The following MSI2 variants were observed in gnomAD, a reference collection of about 807,000 sequenced individuals.
MSI2 encodes the protein musashi RNA binding protein 2, also known as RNA-binding protein Musashi homolog 2.
A neutral mutation model predicts 45.6 loss-of-function variants in MSI2; 17 were observed. The ratio of observed to expected loss-of-function variants is 0.37; its 90% CI spans 0.26 to 0.56. MSI2 has a LOEUF of 0.56. Ranked by LOEUF, MSI2 falls within the 20% of genes least tolerant of loss-of-function variation. The probability of loss-of-function intolerance (pLI) is 0.77; values close to 1 mark genes in which losing one functional copy is unlikely to be tolerated. For synonymous variants in MSI2, 156 were observed against 158.2 expected, an observed-to-expected ratio of 0.99 and a Z score of 0.11; for missense variants, 293 against 444.2, an observed-to-expected ratio of 0.66 and a Z score of 3.06.
intron 5 of MSI2, among the ~76,000 whole-genome samples, chr17:57,324,089 C>T (rs527553738): frequency 7.2e-5 from 11 of 152,304 alleles, no homozygotes; most frequent in South Asian, 2.1e-4. Flanking sequence ...GGGAGGGTCG[C>T]TTGAGGCCAA....
chr17:57,278,026 C>G (rs901653988), intron 5 of MSI2: 1 of 152,504 alleles, frequency 6.6e-6, no homozygotes, highest in African/African-American at 2.4e-5. Flanking sequence ...CAGTGAGAAC[C>G]CTCTCTACAA....
chr17:57,626,768 T>A (rs148330231), intron 9 of MSI2: 551 of 166,100 alleles, frequency 3.3e-3, no homozygotes, highest in Non-Finnish European at 5.2e-3. Flanking sequence ...GAGCCCTGAG[T>A]TTGGCCGCTA....
chr17:57,457,411 A>G (rs2085136598), intron 6 of MSI2, among the ~76,000 whole-genome samples: 1 of 152,210 alleles, frequency 6.6e-6, no homozygotes, highest in Non-Finnish European at 1.5e-5. Context: ...CAGAGCATTT[A>G]CTCTGCTAAC....
intron 5 of MSI2, among the ~76,000 whole-genome samples, chr17:57,304,880 C>T (rs1911752504): frequency 6.6e-6 from 1 of 152,134 alleles, no homozygotes; most frequent in Admixed American, 6.5e-5. Flanking sequence ...AGAGGTCTCC[C>T]ACAGAGGGGT....
rs148611540 is a variant in MSI2, at chr17:57,391,628, C to T, written c.313-9751C>T. Among the ~76,000 whole-genome samples, 170 of 152,252 alleles carry T rather than the reference C, an allele frequency of 1.1e-3. 1 individual carries two copies. Among genetic ancestry groups the T allele is most frequent in the Non-Finnish European group, 2.2e-3 (147 of 68,018 alleles). On this transcript the variant is annotated intron_variant, in intron 5 of 13. Coordinates refer to ENST00000284073, the MANE Select transcript of MSI2 (RefSeq NM_138962.4). ...TCTGTGCATCTTCAGAAGAATTCCACCCTGGGTGGGCAACTCGGGCTCCCA... is the reference window on the plus strand; with the variant it reads ...TCTGTGCATCTTCAGAAGAATTCCATCCTGGGTGGGCAACTCGGGCTCCCA...
intron 7 of MSI2, among the ~76,000 whole-genome samples, chr17:57,590,623 A>G (rs1001029105): frequency 6.6e-6 from 1 of 152,182 alleles, no homozygotes. Flanking sequence ...TACCCTATTA[A>G]TATCCATTTT....
At chr17:57,540,797 C>T (rs2087027160) in intron 7 of MSI2, among the ~76,000 whole-genome samples, 1 of 152,204 alleles carries the variant, frequency 6.6e-6, no homozygotes, top group Non-Finnish European at 1.5e-5. Context: ...AGATTTCTAG[C>T]TTTCAAAACT....
intron 5 of MSI2, among the ~76,000 whole-genome samples, chr17:57,316,909 T>G (rs1912894482): frequency 6.6e-6 from 1 of 151,104 alleles, no homozygotes; most frequent in Non-Finnish European, 1.5e-5. Flanking sequence ...ATTTGCATGC[T>G]GATGATCTTC....
intron 5 of MSI2, among the ~76,000 whole-genome samples, chr17:57,371,593 T>TG (rs1490220984): frequency 6.6e-6 from 1 of 152,074 alleles, no homozygotes; most frequent in Non-Finnish European, 1.5e-5. Flanking sequence ...AACCTGCCTT[T>TG]ATAACTTTAT....
intron 6 of MSI2, among the ~76,000 whole-genome samples, chr17:57,459,396 A>G (rs1342566060): frequency 6.6e-6 from 1 of 152,192 alleles, no homozygotes; most frequent in Non-Finnish European, 1.5e-5. Context: ...GCCTGGAGAC[A>G]GGAAGGGAGA....
At chr17:57,429,598 G>T (rs2084557253) in intron 6 of MSI2, among the ~76,000 whole-genome samples, 3 of 152,138 alleles carry the variant, frequency 2.0e-5, no homozygotes, top group African/African-American at 7.2e-5. Context: ...TTCCTGCCCT[G>T]CATGCCTGGA....
intron 5 of MSI2, among the ~76,000 whole-genome samples, chr17:57,311,596 G>A (rs749949360): frequency 3.9e-5 from 6 of 152,168 alleles, no homozygotes; most frequent in Non-Finnish European, 7.3e-5. Context: ...TCTTGCCCAG[G>A]CTGGAGTGCA....
intron 6 of MSI2, among the ~76,000 whole-genome samples, chr17:57,501,027 A>G (rs2086094957): frequency 1.3e-5 from 2 of 152,050 alleles, no homozygotes; most frequent in African/African-American, 4.8e-5. Flanking sequence ...TGTACTTCCT[A>G]TGTGTTTCCA....
intron 6 of MSI2, among the ~76,000 whole-genome samples, chr17:57,446,469 T>G (rs1045926261): frequency 6.6e-6 from 1 of 152,224 alleles, no homozygotes; most frequent in African/African-American, 2.4e-5. Context: ...GTTCTGTCCC[T>G]GCACAGCTGG....
intron 5 of MSI2, among the ~76,000 whole-genome samples, chr17:57,331,767 A>G (rs192838226): frequency 3.1e-4 from 47 of 152,272 alleles, no homozygotes; most frequent in African/African-American, 1.0e-3. Flanking sequence ...AGCCACCCCA[A>G]GGATCTGCCT....
At chr17:57,292,330 T>C (rs1910495510) in intron 5 of MSI2, among the ~76,000 whole-genome samples, 1 of 152,138 alleles carries the variant, frequency 6.6e-6, no homozygotes. Flanking sequence ...AGAGAGAAAA[T>C]TCTTGGCAGT....
intron 10 of MSI2, among the ~76,000 whole-genome samples, chr17:57,636,396 G>T (rs1329323527): frequency 6.6e-6 from 1 of 152,168 alleles, no homozygotes; most frequent in Non-Finnish European, 1.5e-5. Flanking sequence ...CCCTGGCTGG[G>T]AGTGGTAACC....
intron 6 of MSI2, among the ~76,000 whole-genome samples, chr17:57,484,751 T>C (rs1598321325): frequency 6.6e-6 from 1 of 152,202 alleles, no homozygotes; most frequent in Non-Finnish European, 1.5e-5. Context: ...GGGCTACTCA[T>C]GGCCTTGGCT....
intron 5 of MSI2, among the ~76,000 whole-genome samples, chr17:57,292,089 G>A (rs1009325752): frequency 3.3e-5 from 5 of 152,030 alleles, no homozygotes; most frequent in Non-Finnish European, 5.9e-5. Context: ...ATGCAGGATC[G>A]TAGAGGAGGG....
Sources: allele counts gnomAD v4.1 joint callset (sites outside exome capture counted in the v4.1 genomes callset), GRCh38; gene constraint gnomAD v4.1.1; transcripts MANE v1.5; gene names NCBI Gene and HGNC (gene_info 2026-07-23, HGNC 2026-07-21).